Variants in KDM6A observed in about 807,000 individuals in gnomAD.
KDM6A encodes the protein lysine demethylase 6A.
Under a neutral mutation model 117.6 loss-of-function variants are expected in KDM6A, and 11 were observed. The ratio of observed to expected loss-of-function variants is 0.09; its 90% CI spans 0.06 to 0.15. KDM6A has a LOEUF of 0.15. KDM6A is among the 10% of genes least tolerant of loss of function. The pLI is 1.00. For synonymous variants in KDM6A, 384 were observed against 396.1 expected, an observed-to-expected ratio of 0.97 and a Z score of 0.36; for missense variants, 799 against 1,077.3, an observed-to-expected ratio of 0.74 and a Z score of 3.62.
chrX:44,976,828 T>A (rs1394756391), intron 4 of KDM6A, among the ~76,000 whole-genome samples: 4 of 111,329 alleles, frequency 3.6e-5, no homozygotes, highest in African/African-American at 1.3e-4. Flanking sequence ...ATTTTCAGTT[T>A]TCTTGGGTAG....
intron 8 of KDM6A, among the ~76,000 whole-genome samples, chrX:45,042,058 C>G (rs1203435940): frequency 9.1e-6 from 1 of 109,819 alleles, no homozygotes; most frequent in Non-Finnish European, 1.9e-5. Flanking sequence ...GAGACCAGCC[C>G]GGTCAACACA....
At chrX:44,969,457 G>A (rs1278855696) in intron 3 of KDM6A, among the ~76,000 whole-genome samples, 7 of 73,525 alleles carry the variant, frequency 9.5e-5, no homozygotes, top group African/African-American at 3.8e-4. Context: ...TTGCTCTGTT[G>A]CCCAGGCTGG....
rs1208753874 is a variant in KDM6A, at chrX:45,042,736, GGAAGAAGTTTCCCCACTTCTCTACATA to G, written c.654+5049_654+5075del. ...AGAAGTTTCCCCACTTCTCTACATA[GGAAGAAGTTTCCCCACTTCTCTACATA>G]GGAAGAAGTTTCCCCACTTCTCTAC... On this transcript the variant is annotated intron_variant, in intron 8 of 29. Coordinates refer to ENST00000611820, the MANE Select transcript of KDM6A (RefSeq NM_001291415.2). Among the ~76,000 whole-genome samples the G allele has an allele frequency of 1.8e-3, 187 of 106,102 alleles. 2 individuals carry two copies. The highest frequency in any genetic ancestry group is 6.8e-3 in the African/African-American group (182 of 26,913). 92.1% of individuals were successfully genotyped at this position (106,102 alleles called of 115,157 possible). A position where few individuals can be genotyped will look rare whatever the true frequency, so the allele number is the denominator to read the frequency against.
At chrX:45,099,208 G>A (rs753921799) in intron 27 of KDM6A, among the ~76,000 whole-genome samples, 67 of 110,237 alleles carry the variant, frequency 6.1e-4, no homozygotes, top group Non-Finnish European at 1.1e-3. Context: ...CCTGTAATAC[G>A]ATTTACCATA....
intron 27 of KDM6A, among the ~76,000 whole-genome samples, chrX:45,105,260 C>T (rs181757811): frequency 8.9e-6 from 1 of 112,182 alleles, no homozygotes; most frequent in East Asian, 2.8e-4. Flanking sequence ...ACAAACTTAA[C>T]TTCTCTGCGC....
At chrX:45,087,353 A>G (rs902512234) in intron 25 of KDM6A, among the ~76,000 whole-genome samples, 4 of 113,317 alleles carry the variant, frequency 3.5e-5, no homozygotes, top group African/African-American at 9.6e-5. Flanking sequence ...TGGATTTAGT[A>G]AGAAGTGCAT....
At chrX:44,991,732 G>C (rs1261283291) in intron 4 of KDM6A, among the ~76,000 whole-genome samples, 2 of 111,978 alleles carry the variant, frequency 1.8e-5, no homozygotes, top group Non-Finnish European at 3.8e-5. Context: ...TGTTGCTCAG[G>C]CTGGAGTGCA....
chrX:44,972,507 C>T (rs767677502), intron 3 of KDM6A, among the ~76,000 whole-genome samples: 2 of 111,245 alleles, frequency 1.8e-5, no homozygotes, highest in Non-Finnish European at 3.8e-5. Context: ...GCCATATTGT[C>T]ACTATTTAGA....
At chrX:45,014,202 A>G (rs187088064) in intron 5 of KDM6A, among the ~76,000 whole-genome samples, 16 of 112,386 alleles carry the variant, frequency 1.4e-4, no homozygotes, top group African/African-American at 4.8e-4. Flanking sequence ...TGAGTTGGTG[A>G]CTTAAAATAT....
chrX:44,981,096 T>C (rs2039884137), intron 4 of KDM6A, among the ~76,000 whole-genome samples: 2 of 111,563 alleles, frequency 1.8e-5, no homozygotes, highest in Admixed American at 9.5e-5. Flanking sequence ...GTGTGGGTTT[T>C]CCCCCTGCAT....
intron 2 of KDM6A, among the ~76,000 whole-genome samples, chrX:44,930,061 G>A (rs1035442672): frequency 1.8e-5 from 2 of 111,588 alleles, no homozygotes; most frequent in African/African-American, 6.5e-5. Context: ...ACCCCTTGAT[G>A]ATGAGTGGTT....
chrX:45,086,148 TG>T, intron 25 of KDM6A, 169 bp downstream of exon 25: 1 of 425,218 alleles, frequency 2.4e-6, no homozygotes, highest in South Asian at 3.3e-5. Flanking sequence ...TTTGTGTTAT[TG>T]GAAATACTTT....
chrX:45,074,316 T>C (rs1427978939), intron 18 of KDM6A, among the ~76,000 whole-genome samples: 1 of 112,213 alleles, frequency 8.9e-6, no homozygotes, highest in Non-Finnish European at 1.9e-5. Flanking sequence ...TTTGGATTTT[T>C]ATATGAAAGT....
At chrX:45,098,992 G>T (rs1209010549) in intron 27 of KDM6A, among the ~76,000 whole-genome samples, 1 of 112,019 alleles carries the variant, frequency 8.9e-6, no homozygotes, top group Non-Finnish European at 1.9e-5. Flanking sequence ...AAAGTTGAAA[G>T]AGTAGTACAG....
intron 10 of KDM6A, among the ~76,000 whole-genome samples, chrX:45,056,771 TACTTTG>T (rs1357890007): frequency 8.9e-6 from 1 of 111,797 alleles, no homozygotes; most frequent in Non-Finnish European, 1.9e-5. Context: ...ATTGGTTTCC[TACTTTG>T]ACTTTGTAGG....
chrX:45,063,389 C>T, intron 16 of KDM6A, 33 bp from the exon 17 acceptor site: 1 of 1,185,492 alleles, frequency 8.4e-7, no homozygotes, highest in Non-Finnish European at 1.1e-6. Flanking sequence ...GATTACACAA[C>T]CAGCATTTAC....
intron 2 of KDM6A, among the ~76,000 whole-genome samples, chrX:44,886,223 A>T (rs1224405671): frequency 9.3e-6 from 1 of 107,294 alleles, no homozygotes; most frequent in Non-Finnish European, 1.9e-5. Flanking sequence ...CTGCCCGGCT[A>T]ATTTTTTTAG....
intron 2 of KDM6A, among the ~76,000 whole-genome samples, chrX:44,897,870 C>T (rs977451645): frequency 1.2e-4 from 13 of 111,666 alleles, no homozygotes; most frequent in African/African-American, 4.2e-4. Flanking sequence ...CAGCACCTGG[C>T]CTATTCTTTT....
At chrX:45,058,012 C>A (rs371085216) in intron 10 of KDM6A, among the ~76,000 whole-genome samples, 6 of 106,795 alleles carry the variant, frequency 5.6e-5, no homozygotes, top group Admixed American at 4.1e-4. Context: ...CATATACTGG[C>A]TGGCAATTAG....
Sources: gnomAD v4.1 joint callset for allele counts (sites outside exome capture counted in the v4.1 genomes callset) on GRCh38, gnomAD v4.1.1 for gene constraint, MANE v1.5 for transcripts, NCBI Gene and HGNC (gene_info 2026-07-23, HGNC 2026-07-21) for gene names.